Variants in RBFOX1 observed in about 807,000 individuals in gnomAD.
The protein encoded by RBFOX1 is RNA binding protein fox-1 homolog 1.
In RBFOX1, 8 loss-of-function variants were observed where a neutral mutation model predicts 57.7. The ratio of observed to expected loss-of-function variants is 0.14; its 90% CI spans 0.08 to 0.25. The LOEUF is 0.25. RBFOX1 is among the 10% of genes least tolerant of loss of function. The pLI is 1.00. For synonymous variants in RBFOX1, 326 were observed against 222.4 expected (o/e 1.47, Z -4.15); for missense variants, 611 against 548.5 (o/e 1.11, Z -1.14).
At chr16:6,833,114 T>G (rs1419516982) in intron 3 of RBFOX1, among the ~76,000 whole-genome samples, 1 of 151,938 alleles carries the variant, frequency 6.6e-6, no homozygotes, top group African/African-American at 2.4e-5. Context: ...GCTTTTTCTG[T>G]GGCACTTTCC....
intron 4 of RBFOX1, among the ~76,000 whole-genome samples, chr16:7,419,320 T>C (rs2098516423): frequency 6.6e-6 from 1 of 152,160 alleles, no homozygotes; most frequent in Non-Finnish European, 1.5e-5. Flanking sequence ...TCCCCTTAGC[T>C]GGGCATCAAA....
rs148091159 is a variant in RBFOX1 at position 5,573,613 on chromosome 16, T to C, written c.259-25289T>C. Among the ~76,000 whole-genome samples the C allele has an allele frequency of 1.6e-4, 24 of 152,286 alleles. No homozygotes were observed. The East Asian group carries it at 4.5e-3, about 28-fold the overall frequency. ...TGTCTGCTTCCCTGGGTCCCAGTCC[T>C]GGACCCAGTGTGCATCCCCCCTTTC... On this transcript the variant is annotated intron_variant, in intron 2 of 2. Coordinates refer to the RBFOX1 transcript ENST00000585867.
intron 4 of RBFOX1, among the ~76,000 whole-genome samples, chr16:5,943,936 C>G (rs146333678): frequency 6.6e-6 from 1 of 151,650 alleles, no homozygotes; most frequent in African/African-American, 2.4e-5. Flanking sequence ...GTCTTTCCTT[C>G]TATTTTCCAT....
chr16:7,660,879 T>G (rs1227478845), intron 12 of RBFOX1, among the ~76,000 whole-genome samples: 1 of 152,212 alleles, frequency 6.6e-6, no homozygotes, highest in African/African-American at 2.4e-5. Flanking sequence ...GAGTTTGCAC[T>G]GTGGAGCCGG....
chr16:6,408,638 C>T (rs2093362589), intron 2 of RBFOX1, among the ~76,000 whole-genome samples: 1 of 152,090 alleles, frequency 6.6e-6, no homozygotes. Context: ...CAGTTTCTCT[C>T]CTCTTCCCTC....
intron 2 of RBFOX1, among the ~76,000 whole-genome samples, chr16:6,435,426 G>T (rs1359994655): frequency 6.6e-6 from 1 of 151,940 alleles, no homozygotes; most frequent in African/African-American, 2.4e-5. Flanking sequence ...TCAGCCTCCC[G>T]AGTAGCTGGG....
chr16:5,733,073 T>A (rs747749298), intron 3 of RBFOX1, among the ~76,000 whole-genome samples: 5 of 152,120 alleles, frequency 3.3e-5, no homozygotes, highest in Non-Finnish European at 7.4e-5. Context: ...ACTGTATGCA[T>A]GTTATCAATA....
chr16:6,932,935 C>T (rs113561891), intron 3 of RBFOX1, among the ~76,000 whole-genome samples: 5,042 of 152,284 alleles, frequency 0.033, 120 homozygotes, highest in Middle Eastern at 0.075. Flanking sequence ...CTACTATTCT[C>T]CTTTCTGTCT....
rs1415362742 is a variant in RBFOX1 at position 7,068,593 on chromosome 16, T to TTTA, written c.27+16501_27+16503dup. Among the ~76,000 whole-genome samples, 6 of 152,250 alleles carry TTTA rather than the reference T, an allele frequency of 3.9e-5. No individual in the cohort carries two copies. The South Asian group carries it at 1.2e-3, about 32-fold the overall frequency. On this transcript the variant is annotated intron_variant, in intron 4 of 15. Coordinates refer to ENST00000550418, the MANE Select transcript of RBFOX1 (RefSeq NM_018723.4). Reference sequence around the variant, plus strand: ...TTTGATACTATTATTATTATTATTATTTATTATTTTGAGACAGAGTTTCAC... The same window carrying TTTA: ...TTTGATACTATTATTATTATTATTATTTATTATTATTTTGAGACAGAGTTTCAC...
intron 1 of RBFOX1, among the ~76,000 whole-genome samples, chr16:5,465,180 C>T (rs1038303456): frequency 6.6e-6 from 1 of 152,142 alleles, no homozygotes; most frequent in Admixed American, 6.5e-5. Flanking sequence ...ATCGAGGTGT[C>T]AGCAGGATTG....
intron 3 of RBFOX1, among the ~76,000 whole-genome samples, chr16:5,648,213 A>G (rs985085962): frequency 6.6e-6 from 1 of 152,208 alleles, no homozygotes; most frequent in Non-Finnish European, 1.5e-5. Context: ...TACGATATGC[A>G]GGAGGAGAAT....
chr16:5,536,099 C>CAG (rs113677236), intron 2 of RBFOX1, among the ~76,000 whole-genome samples: 1 of 146,750 alleles, frequency 6.8e-6, no homozygotes, highest in Admixed American at 6.8e-5. Flanking sequence ...CATCAAGCCC[C>CAG]CCCCCCCTTT....
chr16:7,437,738 C>A (rs1390894376), intron 4 of RBFOX1, among the ~76,000 whole-genome samples: 1 of 152,080 alleles, frequency 6.6e-6, no homozygotes, highest in Non-Finnish European at 1.5e-5. Flanking sequence ...TGAGAAGCAT[C>A]TTTGATTTAC....
At chr16:6,845,535 C>T (rs183896271) in intron 3 of RBFOX1, among the ~76,000 whole-genome samples, 5 of 152,164 alleles carry the variant, frequency 3.3e-5, no homozygotes, top group African/African-American at 9.6e-5. Context: ...TTCCGTTGGT[C>T]GTTGTGTCTG....
chr16:7,208,535 T>C (rs969782750), intron 4 of RBFOX1, among the ~76,000 whole-genome samples: 3 of 152,068 alleles, frequency 2.0e-5, no homozygotes, highest in African/African-American at 7.2e-5. Flanking sequence ...AGCCAGGCTC[T>C]TTTTCACAAC....
intron 3 of RBFOX1, among the ~76,000 whole-genome samples, chr16:5,611,705 C>CCCATCCGTCCAT (rs772335203): frequency 3.0e-5 from 3 of 100,128 alleles, no homozygotes; most frequent in African/African-American, 5.1e-5. Flanking sequence ...CACCCACTCT[C>CCCATCCGTCCAT]CCATCCATCC....
chr16:6,421,687 A>G (rs2093775955), intron 2 of RBFOX1, among the ~76,000 whole-genome samples: 2 of 152,170 alleles, frequency 1.3e-5, no homozygotes, highest in Admixed American at 6.5e-5. Context: ...TCACACACAC[A>G]AAAAATGATC....
chr16:5,714,495 G>A (rs2051614450), intron 3 of RBFOX1, among the ~76,000 whole-genome samples: 1 of 152,196 alleles, frequency 6.6e-6, no homozygotes, highest in South Asian at 2.1e-4. Context: ...AGCGAGCCCA[G>A]GTGCATAGGC....
intron 4 of RBFOX1, among the ~76,000 whole-genome samples, chr16:7,336,392 C>A (rs572007095): frequency 6.6e-6 from 1 of 152,218 alleles, no homozygotes; most frequent in Non-Finnish European, 1.5e-5. Flanking sequence ...CACTATTGGA[C>A]AAATCGTTCC....
Sources: gnomAD v4.1 joint callset for allele counts (sites outside exome capture counted in the v4.1 genomes callset) on GRCh38, gnomAD v4.1.1 for gene constraint, MANE v1.5 for transcripts, NCBI Gene and HGNC (gene_info 2026-07-23, HGNC 2026-07-21) for gene names.